Variants in FER1L6 observed in about 807,000 individuals in gnomAD.
FER1L6 encodes the protein fer-1 like family member 6.
In FER1L6, 177 loss-of-function variants were observed where a neutral mutation model predicts 219.2. The observed-to-expected ratio is 0.81, with a 90% CI of 0.71 to 0.91. The LOEUF (loss-of-function observed/expected upper bound fraction) is 0.91, where lower values mean the gene tolerates loss of function less well. FER1L6 is among the 40% of genes least tolerant of loss of function. FER1L6 has a pLI of 0.00. For missense variants in FER1L6, 2,153 were observed against 2,259.9 expected (o/e 0.95, Z 0.96); for synonymous variants, 768 against 824.3 (o/e 0.93, Z 1.17).
chr8:124,067,081 A>C (rs901893614), intron 27 of FER1L6, among the ~76,000 whole-genome samples: 1 of 152,138 alleles, frequency 6.6e-6, no homozygotes, highest in Non-Finnish European at 1.5e-5. Context: ...AGCTGGAGAG[A>C]CAGTGGGGAG....
At chr8:123,868,721 A>G (rs557892541) in intron 1 of FER1L6, among the ~76,000 whole-genome samples, 1 of 152,252 alleles carries the variant, frequency 6.6e-6, no homozygotes, top group East Asian at 1.9e-4. Context: ...CTTTATTTTT[A>G]TACTCCGGTG....
intron 39 of FER1L6, among the ~76,000 whole-genome samples, chr8:124,110,661 C>T (rs1822984765): frequency 6.6e-6 from 1 of 152,168 alleles, no homozygotes; most frequent in Non-Finnish European, 1.5e-5. Flanking sequence ...AGCTGAGCAG[C>T]AATCACCCAT....
Position 124,101,159 on chromosome 8 carries a change from G to C in FER1L6, c.4946G>C (p.Gly1649Ala), listed in dbSNP as rs1586340909. 6.2e-7 allele frequency: 1 copy of C among 1,613,916 alleles called. No homozygotes were observed. The highest frequency in any genetic ancestry group is 8.5e-7 in the Non-Finnish European group (1 of 1,179,948). ...ETDVHYNSLT[G>A]EGNFNWRFLF... ...GATGTGCATTACAACTCCCTGACTG[G>C]AGAGGGCAACTTCAACTGGCGCTTC... is the stretch of plus-strand genomic sequence containing the variant. Residue 1649 changes from glycine (G) to alanine (A), a missense_variant, in exon 38 of 41, where the codon GGA becomes GCA. Coordinates refer to ENST00000522917, the MANE Select transcript of FER1L6 (RefSeq NM_001039112.2).
chr8:123,975,408 C>A, intron 8 of FER1L6, 102 bp downstream of exon 8: 2 of 1,152,116 alleles, frequency 1.7e-6, no homozygotes. Flanking sequence ...GAGAACCATG[C>A]TTCTTCTCAG....
intron 20 of FER1L6, chr8:124,040,336 G>A: frequency 3.1e-6 from 1 of 323,232 alleles, no homozygotes; most frequent in Non-Finnish European, 5.9e-6. Flanking sequence ...AAACAGCACA[G>A]ATCAACCTGC....
intron 1 of FER1L6, among the ~76,000 whole-genome samples, chr8:123,911,903 C>T (rs1280124463): frequency 6.6e-6 from 1 of 152,144 alleles, no homozygotes; most frequent in Non-Finnish European, 1.5e-5. Flanking sequence ...TTTACCCTTC[C>T]TGGGGGGAAC....
chr8:124,040,386 G>A, intron 20 of FER1L6: 1 of 231,546 alleles, frequency 4.3e-6, no homozygotes, highest in Non-Finnish European at 8.6e-6. Context: ...GGGTCTCAGT[G>A]GGGAGAAACA....
chr8:123,955,482 A>G (rs528611233), intron 1 of FER1L6, among the ~76,000 whole-genome samples: 45 of 152,184 alleles, frequency 3.0e-4, no homozygotes, highest in African/African-American at 1.0e-3. Flanking sequence ...AAGGGAATGG[A>G]CAGGCTCTGG....
chr8:124,096,964 A>T (rs1334416422), intron 35 of FER1L6, among the ~76,000 whole-genome samples: 1 of 152,124 alleles, frequency 6.6e-6, no homozygotes, highest in East Asian at 1.9e-4. Context: ...AGTTCATAAG[A>T]TAATGTGTGT....
intron 10 of FER1L6, among the ~76,000 whole-genome samples, 176 bp downstream of exon 10, chr8:123,977,785 T>C (rs1452637119): frequency 6.6e-6 from 1 of 152,196 alleles, no homozygotes; most frequent in African/African-American, 2.4e-5. Flanking sequence ...GATGAAACTG[T>C]TCCACTTCAG....
At chr8:123,929,966 G>GCTT (rs1554616954) in intron 1 of FER1L6, among the ~76,000 whole-genome samples, 1 of 144,532 alleles carries the variant, frequency 6.9e-6, no homozygotes, top group African/African-American at 2.5e-5. Flanking sequence ...AGATGGCACT[G>GCTT]TTTTTTTTTT....
At chr8:123,992,993 T>C (rs1473257932) in intron 12 of FER1L6, among the ~76,000 whole-genome samples, 1 of 152,228 alleles carries the variant, frequency 6.6e-6, no homozygotes, top group East Asian at 1.9e-4. Flanking sequence ...TTTCCATGTA[T>C]TTTTAGTTTT....
Position 124,035,353 on chromosome 8 carries a change from A to C in FER1L6, c.2363A>C (p.His788Pro), listed in dbSNP as rs778684300. 3 of 1,614,024 alleles carry C rather than the reference A, an allele frequency of 1.9e-6. No individual in the cohort carries two copies. The African/African-American group carries it at 4.0e-5, about 22-fold the overall frequency. ...TACCTGTGGCTGGGCTCCATCAAGC[A>C]TGCCAGTGCCATTTTGGACAACTTG... The part of the protein sequence containing the change: ...DVYLWLGSIK[H>P]ASAILDNLPV... Residue 788 changes from histidine to proline, a missense_variant, in exon 19 of 41, where the codon CAT becomes CCT. His to Pro is a moderately conservative substitution (Grantham distance 77). Coordinates refer to ENST00000522917, the MANE Select transcript of FER1L6 (RefSeq NM_001039112.2).
At chr8:123,999,774 T>A (rs1817321145) in intron 12 of FER1L6, among the ~76,000 whole-genome samples, 2 of 152,198 alleles carry the variant, frequency 1.3e-5, no homozygotes, top group Non-Finnish European at 2.9e-5. Context: ...GGTATCCAAG[T>A]TGAAAGACAA....
chr8:124,074,680 TATAGTC>T (rs2130884411), intron 31 of FER1L6, among the ~76,000 whole-genome samples: 2 of 149,814 alleles, frequency 1.3e-5, no homozygotes, highest in African/African-American at 4.9e-5. Flanking sequence ...AAAGAAGAAA[TATAGTC>T]ATATATCTTT....
At chr8:124,082,942 C>G (rs972031437) in intron 33 of FER1L6, among the ~76,000 whole-genome samples, 1 of 151,910 alleles carries the variant, frequency 6.6e-6, no homozygotes, top group Non-Finnish European at 1.5e-5. Flanking sequence ...AACTTTCACT[C>G]TTTTTTCAAA....
chr8:123,995,029 C>G (rs930448116), intron 12 of FER1L6, among the ~76,000 whole-genome samples: 5 of 152,248 alleles, frequency 3.3e-5, no homozygotes, highest in Non-Finnish European at 5.9e-5. Flanking sequence ...ATCTCCTTCT[C>G]ACAGTCTGGG....
At chr8:123,950,421 A>G (rs1437982976) in intron 1 of FER1L6, among the ~76,000 whole-genome samples, 1 of 152,196 alleles carries the variant, frequency 6.6e-6, no homozygotes, top group Non-Finnish European at 1.5e-5. Context: ...GGGCAGTCCT[A>G]CAGCCTTGCC....
At chr8:123,899,167 A>G (rs1377751679) in intron 1 of FER1L6, among the ~76,000 whole-genome samples, 1 of 151,924 alleles carries the variant, frequency 6.6e-6, no homozygotes, top group East Asian at 1.9e-4. Flanking sequence ...GCCAACATCT[A>G]CTGTTTTTTG....
Sources: allele counts gnomAD v4.1 joint callset (sites outside exome capture counted in the v4.1 genomes callset), GRCh38; gene constraint gnomAD v4.1.1; transcripts MANE v1.5; gene names NCBI Gene and HGNC (gene_info 2026-07-23, HGNC 2026-07-21).